The following BSN variants were observed in gnomAD, a reference collection of about 807,000 sequenced individuals.
The protein encoded by BSN is bassoon presynaptic cytomatrix protein.
In BSN, 57 loss-of-function variants were observed where a neutral mutation model predicts 264.8. The observed-to-expected ratio is 0.22, with a 90% CI of 0.17 to 0.27. The LOEUF (loss-of-function observed/expected upper bound fraction) is 0.27, where lower values mean the gene tolerates loss of function less well. Among genes scored for constraint, BSN ranks in the 10% least tolerant of loss-of-function variants. The pLI, the probability that BSN is intolerant of heterozygous loss-of-function variation, is 1.00. For missense variants in BSN, 4,615 were observed against 5,232.5 expected, an observed-to-expected ratio of 0.88 and a Z score of 3.64; for synonymous variants, 2,059 against 2,137.3, an observed-to-expected ratio of 0.96 and a Z score of 1.01.
intron 1 of BSN, among the ~76,000 whole-genome samples, chr3:49,568,023 G>C (rs1458314081): frequency 6.6e-6 from 1 of 152,134 alleles, no homozygotes; most frequent in Non-Finnish European, 1.5e-5. Context: ...GGCAAGGTAG[G>C]GGTTGGGAGA....
chr3:49,611,056 T>C (rs914076474), intron 1 of BSN, among the ~76,000 whole-genome samples: 2 of 152,326 alleles, frequency 1.3e-5, no homozygotes, highest in Middle Eastern at 6.8e-3. Flanking sequence ...TCATCAGTAT[T>C]GGGTCTGATG....
rs780942250 is a variant in BSN at position 49,651,571 on chromosome 3, A to G, written c.2015A>G (p.Asp672Gly). The G allele has an allele frequency of 8.8e-6, 14 of 1,593,782 alleles. No individual in the cohort carries two copies. Among genetic ancestry groups the G allele is most frequent in the Admixed American group, 3.4e-5 (2 of 58,364 alleles). ...CTGGTGGGCAAGCCTTACTCTCAGG[A>G]TGCGTCTCGGAGCCCACAGAGCCTC... ...EDLVGKPYSQDASRSPQSLSD... is the reference protein window; with the variant it reads ...EDLVGKPYSQGASRSPQSLSD... The change falls in exon 5 of 12, where the codon GAT (aspartate) becomes GGT (glycine). Residue 672 changes from aspartate to glycine, a missense_variant. Around this residue, in one of 3 missense-constraint regions of BSN, gnomAD observed 1,197 missense variants for 1,348.0 expected, o/e 0.89. Coordinates refer to ENST00000296452, the MANE Select transcript of BSN (RefSeq NM_003458.4). The surrounding 1 kb of genome is among the most constrained non-coding windows in gnomAD (Gnocchi z 5.4).
Position 49,662,987 on chromosome 3 carries a change from G to C in BSN, c.10829G>C (p.Arg3610Pro). ...GCAGTTTCCTCCTCCTCCCAGAAGC[G>C]AGGCCCTGCCAGGCACAGCTACCAT... ...GHAVSSSSQK[R>P]GPARHSYHDY... The change falls in exon 7 of 12, where the codon CGA (arginine) becomes CCA (proline). Residue 3610 changes from arginine (R) to proline (P), a missense_variant. Arg to Pro is a moderately radical substitution (Grantham distance 103, BLOSUM62 -2). Around this residue, in one of 3 missense-constraint regions of BSN, gnomAD observed 3,415 missense variants for 3,866.4 expected, o/e 0.88. Transcript: ENST00000296452. The C allele has an allele frequency of 6.2e-7, 1 of 1,614,110 alleles. No individual in the cohort carries two copies. The highest frequency in any genetic ancestry group is 8.5e-7 in the Non-Finnish European group (1 of 1,180,012).
At chr3:49,621,687 G>A (rs2052307028) in intron 1 of BSN, among the ~76,000 whole-genome samples, 1 of 152,036 alleles carries the variant, frequency 6.6e-6, no homozygotes, top group Non-Finnish European at 1.5e-5. Context: ...GGAGAGAGGA[G>A]AGGAGTGGGA....
intron 1 of BSN, among the ~76,000 whole-genome samples, chr3:49,620,202 G>A (rs1353068687): frequency 1.3e-5 from 2 of 152,130 alleles, no homozygotes; most frequent in South Asian, 2.1e-4. Flanking sequence ...CGAGGCGGGC[G>A]GATCACAAGG....
At chr3:49,648,825 G>A (rs1240141764) in intron 3 of BSN, among the ~76,000 whole-genome samples, 1 of 152,246 alleles carries the variant, frequency 6.6e-6, no homozygotes, top group Non-Finnish European at 1.5e-5. Flanking sequence ...AACAGAGTGA[G>A]TATATGTATG....
chr3:49,653,869 C>T lies in BSN; in HGVS notation c.4313C>T (p.Ala1438Val). 6.2e-7 allele frequency: 1 copy of T among 1,614,028 alleles called. No homozygotes were observed. The highest frequency in any genetic ancestry group is 1.1e-5 in the South Asian group (1 of 91,070). The change falls in exon 5 of 12, where the codon GCC becomes GTC. Residue 1438 changes from alanine to valine, a missense_variant. Around this residue, in one of 3 missense-constraint regions of BSN, gnomAD observed 3,415 missense variants for 3,866.4 expected, o/e 0.88. Transcript: ENST00000296452. This position sits in a 1 kb window ranked among gnomAD's most constrained non-coding sequence, Gnocchi z 6.3. ...TCCCAAACTGAGGATCTACCCCAGGCCCCCAGTGGCCTTGCTGCAGCTGGA... is the reference window on the plus strand; with the variant it reads ...TCCCAAACTGAGGATCTACCCCAGGTCCCCAGTGGCCTTGCTGCAGCTGGA... ...YGSQTEDLPQ[A>V]PSGLAAAGRA...
intron 2 of BSN, among the ~76,000 whole-genome samples, chr3:49,634,184 A>C (rs1364621292): frequency 2.0e-5 from 3 of 151,266 alleles, no homozygotes; most frequent in Admixed American, 2.0e-4. Context: ...CTCCAGCCTG[A>C]TGACAGAGCA....
At chr3:49,594,418 G>A (rs1469893610) in intron 1 of BSN, among the ~76,000 whole-genome samples, 1 of 152,156 alleles carries the variant, frequency 6.6e-6, no homozygotes, top group Non-Finnish European at 1.5e-5. Flanking sequence ...AGCACCATTT[G>A]TTGAAAAGGC....
chr3:49,573,942 C>A (rs529361118), intron 1 of BSN, among the ~76,000 whole-genome samples: 11 of 152,072 alleles, frequency 7.2e-5, no homozygotes, highest in African/African-American at 2.7e-4. Context: ...CAGGCATGAG[C>A]CACTGCGCCC....
chr3:49,554,497 C>A lies in BSN; in HGVS notation c.-106C>A. ...GCGGCAGGCGGCGGCGCGAGCCGAG[C>A]TGGGAGATGGCGGCGGCAGCGGCGG... On this transcript the variant is annotated 5_prime_UTR_variant, in exon 1 of 12. In the 5' UTR this introduces an upstream ATG that the reference lacks. Coordinates refer to ENST00000296452, the MANE Select transcript of BSN (RefSeq NM_003458.4). The A allele has an allele frequency of 3.5e-6, 1 of 284,018 alleles. No individual in the cohort carries two copies. The highest frequency in any genetic ancestry group is 5.3e-6 in the Non-Finnish European group (1 of 188,824). The allele number at this position is 284,018 out of a possible 1,614,324, so 17.6% of individuals were successfully genotyped here.
rs929362017 is a variant in BSN, at chr3:49,656,069, A to G, written c.6513A>G (p.Ala2171=). ...PGNLAQYGPA[A]GQGTAVRQLL... Reference sequence around the variant, plus strand: ...ACTTGGCCCAGTATGGGCCTGCAGCAGGCCAAGGAACAGCAGTCAGACAGC... The same window carrying G: ...ACTTGGCCCAGTATGGGCCTGCAGCGGGCCAAGGAACAGCAGTCAGACAGC... Residue 2171 remains alanine (A), a synonymous_variant, in exon 5 of 12, where the codon GCA becomes GCG. Transcript: ENST00000296452. 1.9e-6 allele frequency: 3 copies of G among 1,609,822 alleles called. No individual in the cohort carries two copies. The Admixed American group carries it at 5.0e-5, about 27-fold the overall frequency.
intron 3 of BSN, among the ~76,000 whole-genome samples, chr3:49,646,740 T>G (rs1575446416): frequency 6.6e-6 from 1 of 152,254 alleles, no homozygotes; most frequent in East Asian, 1.9e-4. Flanking sequence ...CTGTGGCTGG[T>G]GTAAGCTTTT....
chr3:49,600,104 T>G (rs976056658), intron 1 of BSN, among the ~76,000 whole-genome samples: 1 of 152,092 alleles, frequency 6.6e-6, no homozygotes, highest in Non-Finnish European at 1.5e-5. Flanking sequence ...ATGTATGAAT[T>G]GGGGATGAAA....
At chr3:49,671,617 G>A (rs1282900197), downstream of BSN, 3 of 152,440 alleles carry the variant, frequency 2.0e-5, no homozygotes, top group East Asian at 1.9e-4. This position sits in a 1 kb window ranked among gnomAD's most constrained non-coding sequence, Gnocchi z 4.1. Context: ...CCAAATTTGC[G>A]ACAATCCTGT....
intron 1 of BSN, among the ~76,000 whole-genome samples, chr3:49,561,120 G>C (rs190723810): frequency 1.3e-5 from 2 of 152,334 alleles, no homozygotes; most frequent in Non-Finnish European, 2.9e-5. Flanking sequence ...CACATGGGAA[G>C]CCTCCAGGGA....
Position 49,642,437 on chromosome 3 carries a change from G to A in BSN, c.803G>A (p.Gly268Asp), listed in dbSNP as rs2052470855. 1.3e-6 allele frequency: 2 copies of A among 1,597,920 alleles called. No individual in the cohort carries two copies. The highest frequency in any genetic ancestry group is 1.1e-5 in the South Asian group (1 of 88,770). Residue 268 changes from glycine (G) to aspartate (D), a missense_variant, in exon 3 of 12, where the codon GGC becomes GAC. Coordinates refer to ENST00000296452, the MANE Select transcript of BSN (RefSeq NM_003458.4). This position sits in a 1 kb window ranked among gnomAD's most constrained non-coding sequence, Gnocchi z 7.0. ...AAGCCAGACCAAGAGAGATCTCGGG[G>A]CCCAGGAGGACCACAGCCTGGGTCC... ...LGKPDQERSRGPGGPQPGSRQ... is the reference protein window; with the variant it reads ...LGKPDQERSRDPGGPQPGSRQ...
At chr3:49,579,019 C>G (rs1222853101) in intron 1 of BSN, among the ~76,000 whole-genome samples, 1 of 152,040 alleles carries the variant, frequency 6.6e-6, no homozygotes, top group African/African-American at 2.4e-5. Context: ...CTCTGTCACC[C>G]AGAGGACATG....
chr3:49,652,174 G>A lies in BSN; in HGVS notation c.2618G>A (p.Gly873Asp), dbSNP rs139532842. The change falls in exon 5 of 12, where the codon GGC (glycine) becomes GAC (aspartate). Residue 873 changes from glycine to aspartate, a missense_variant. By Grantham distance (94) the Gly-to-Asp change is moderately conservative. Transcript: ENST00000296452. Reference sequence around the variant, plus strand: ...TCCGGGCGTGGCCTGGCCAAACATGGCACCCAGAAAGGTGGCCCCAGACCC... The same window carrying A: ...TCCGGGCGTGGCCTGGCCAAACATGACACCCAGAAAGGTGGCCCCAGACCC... ...ATSGRGLAKH[G>D]TQKGGPRPRP... 67 of 1,613,840 alleles carry A rather than the reference G, an allele frequency of 4.2e-5. No homozygotes were observed. Among genetic ancestry groups the A allele is most frequent in the Non-Finnish European group, 5.3e-5 (62 of 1,179,940 alleles).
Sources: gnomAD v4.1 joint callset for allele counts (sites outside exome capture counted in the v4.1 genomes callset) on GRCh38, gnomAD v4.1.1 for gene constraint, gnomAD v4.1.1 regional missense constraint, Gnocchi (gnomAD v3.1) non-coding constraint, MANE v1.5 for transcripts, NCBI Gene and HGNC (gene_info 2026-07-23, HGNC 2026-07-21) for gene names.